The following PRKAR2B variants were observed in gnomAD, a reference collection of about 807,000 sequenced individuals.
The protein encoded by PRKAR2B is cAMP-dependent protein kinase type II-beta regulatory subunit.
In PRKAR2B, 14 loss-of-function variants were observed where a neutral mutation model predicts 49.9. That is an observed-to-expected ratio of 0.28 (90% CI 0.19 to 0.44). The LOEUF (loss-of-function observed/expected upper bound fraction) is 0.44, where lower values mean the gene tolerates loss of function less well. Among genes scored for constraint, PRKAR2B ranks in the 20% least tolerant of loss-of-function variants. The probability of loss-of-function intolerance (pLI) is 1.00; values close to 1 mark genes in which losing one functional copy is unlikely to be tolerated. For missense variants in PRKAR2B, 393 were observed against 537.9 expected (o/e 0.73, Z 2.67); for synonymous variants, 196 against 197.7 (o/e 0.99, Z 0.07).
chr7:107,126,160 G>C (rs532637561), intron 3 of PRKAR2B, among the ~76,000 whole-genome samples: 7 of 146,166 alleles, frequency 4.8e-5, no homozygotes, highest in Non-Finnish European at 1.0e-4. Flanking sequence ...TTGGGAGGCT[G>C]AACTGGGCAA....
At chr7:107,084,500 A>C (rs1272398794) in intron 2 of PRKAR2B, among the ~76,000 whole-genome samples, 1 of 152,030 alleles carries the variant, frequency 6.6e-6, no homozygotes, top group Non-Finnish European at 1.5e-5. Context: ...CATTTTTGGG[A>C]GTGATTTGCT....
chr7:107,117,868 C>A (rs1314794486), intron 2 of PRKAR2B, among the ~76,000 whole-genome samples: 1 of 152,172 alleles, frequency 6.6e-6, no homozygotes, highest in Non-Finnish European at 1.5e-5. Context: ...ATTACTCTAT[C>A]TGCAATGTGG....
At chr7:107,077,462 A>G (rs1322371162) in intron 2 of PRKAR2B, 9 of 152,292 alleles carry the variant, frequency 5.9e-5, no homozygotes, top group African/African-American at 2.2e-4. Flanking sequence ...TGCTGTCTTT[A>G]AGGTTTATAA....
At chr7:107,057,921 T>C (rs1793947403) in intron 1 of PRKAR2B, among the ~76,000 whole-genome samples, 1 of 152,182 alleles carries the variant, frequency 6.6e-6, no homozygotes, top group African/African-American at 2.4e-5. Context: ...TAAAAAGTTA[T>C]TAATGAAAAA....
At chr7:107,082,601 T>G in intron 2 of PRKAR2B, among the ~76,000 whole-genome samples, 1 of 152,306 alleles carries the variant, frequency 6.6e-6, no homozygotes, top group Admixed American at 6.5e-5. Flanking sequence ...TTTATTTTTA[T>G]TTTTATTTTT....
In PRKAR2B at chr7:107,159,694, C is replaced by A; in HGVS notation, c.*112C>A. 1 of 1,205,196 alleles carries A rather than the reference C, an allele frequency of 8.3e-7. No homozygotes were observed. Among genetic ancestry groups the A allele is most frequent in the East Asian group, 2.4e-5 (1 of 41,512 alleles). 74.7% of individuals were successfully genotyped at this position (1,205,196 alleles called of 1,614,324 possible). Reference sequence around the variant, plus strand: ...ATTTTCTGTGATTTCAGGTTTTTTCCTTTTTTTACATTTACAACGTATCAA... The same window carrying A: ...ATTTTCTGTGATTTCAGGTTTTTTCATTTTTTTACATTTACAACGTATCAA... On this transcript the variant is annotated 3_prime_UTR_variant, in exon 11 of 11. Coordinates refer to ENST00000265717, the MANE Select transcript of PRKAR2B (RefSeq NM_002736.3).
intron 1 of PRKAR2B, among the ~76,000 whole-genome samples, chr7:107,060,883 T>G (rs1050263411): frequency 7.2e-5 from 11 of 152,222 alleles, no homozygotes; most frequent in African/African-American, 2.7e-4. Flanking sequence ...CAAAAATTTG[T>G]AAGTCTTGAG....
chr7:107,079,672 G>T (rs186999427), intron 2 of PRKAR2B, among the ~76,000 whole-genome samples: 1 of 151,992 alleles, frequency 6.6e-6, no homozygotes, highest in African/African-American at 2.4e-5. Flanking sequence ...CCTGCCATCA[G>T]CTTCCTTCCT....
chr7:107,062,515 C>G (rs1457267166), intron 1 of PRKAR2B, among the ~76,000 whole-genome samples: 2 of 152,120 alleles, frequency 1.3e-5, no homozygotes, highest in Non-Finnish European at 2.9e-5. Flanking sequence ...CAAAGCTAAA[C>G]TACAGTGGTA....
intron 2 of PRKAR2B, among the ~76,000 whole-genome samples, chr7:107,086,938 C>G (rs1444317813): frequency 6.6e-6 from 1 of 152,082 alleles, no homozygotes; most frequent in African/African-American, 2.4e-5. Flanking sequence ...CGTATAACAA[C>G]TATTGTTTAA....
At chr7:107,144,505 G>C (rs1406683704) in intron 5 of PRKAR2B, among the ~76,000 whole-genome samples, 1 of 152,000 alleles carries the variant, frequency 6.6e-6, no homozygotes, top group Non-Finnish European at 1.5e-5. Context: ...TTCTTGCCTA[G>C]GCTCGAGTGC....
At position 107,049,301 on chromosome 7, in the gene PRKAR2B, G is replaced by T. The variant is rs80153971; in HGVS notation, c.307+4087G>T. 6.9e-3 allele frequency among the ~76,000 whole-genome samples: 1,044 copies of T among 152,226 alleles called. 9 individuals carry two copies. The highest frequency in any genetic ancestry group is 0.012 in the Non-Finnish European group (804 of 68,012). ...CAACCTGGGAGAAAAAATAACTACC[G>T]TGATAGAAAATAAAGAGCTGATTTT... On this transcript the variant is annotated intron_variant, in intron 1 of 10. Transcript: ENST00000265717.
chr7:107,097,533 A>G lies in PRKAR2B; in HGVS notation c.344-24419A>G, dbSNP rs139058684. On this transcript the variant is annotated intron_variant, in intron 2 of 10. Transcript: ENST00000265717. ...ATTTAAGGTTAATAATGTTATGTGTAAATTTGATCCTGTCATTATGATGTT... is the reference window on the plus strand; with the variant it reads ...ATTTAAGGTTAATAATGTTATGTGTGAATTTGATCCTGTCATTATGATGTT... Among the ~76,000 whole-genome samples the G allele has an allele frequency of 3.4e-3, 518 of 152,236 alleles. 3 individuals carry two copies. The highest frequency in any genetic ancestry group is 0.012 in the African/African-American group (492 of 41,554).
At chr7:107,105,106 AT>A (rs1795048667) in intron 2 of PRKAR2B, among the ~76,000 whole-genome samples, 1 of 152,116 alleles carries the variant, frequency 6.6e-6, no homozygotes, top group South Asian at 2.1e-4. Flanking sequence ...CTCAAAAATT[AT>A]TGTTTTTTTC....
At chr7:107,052,174 T>C (rs544189560) in intron 1 of PRKAR2B, among the ~76,000 whole-genome samples, 1 of 152,308 alleles carries the variant, frequency 6.6e-6, no homozygotes, top group South Asian at 2.1e-4. Context: ...TTCCCAGCAC[T>C]CTGGGAGGCC....
intron 2 of PRKAR2B, among the ~76,000 whole-genome samples, chr7:107,097,597 C>T (rs1794869188): frequency 6.6e-6 from 1 of 152,138 alleles, no homozygotes; most frequent in Admixed American, 6.6e-5. Context: ...TTAGTTCCTT[C>T]CTAGCGTGGA....
At chr7:107,108,431 G>A (rs951462463) in intron 2 of PRKAR2B, among the ~76,000 whole-genome samples, 1 of 152,174 alleles carries the variant, frequency 6.6e-6, no homozygotes, top group African/African-American at 2.4e-5. Context: ...TTGAGAGAAA[G>A]CGTGACAAGG....
chr7:107,100,077 A>G (rs1204160263), intron 2 of PRKAR2B, among the ~76,000 whole-genome samples: 2 of 151,604 alleles, frequency 1.3e-5, no homozygotes, highest in African/African-American at 4.8e-5. Context: ...TGGGTCACAT[A>G]TTTACCTTTT....
intron 2 of PRKAR2B, among the ~76,000 whole-genome samples, chr7:107,079,751 T>C (rs1794481132): frequency 6.6e-6 from 1 of 152,226 alleles, no homozygotes; most frequent in African/African-American, 2.4e-5. Context: ...TGTAGTTGCT[T>C]GTTCACATGT....
Sources: allele counts gnomAD v4.1 joint callset (sites outside exome capture counted in the v4.1 genomes callset), GRCh38; gene constraint gnomAD v4.1.1; transcripts MANE v1.5; gene names NCBI Gene and HGNC (gene_info 2026-07-23, HGNC 2026-07-21).